The following HOXC4 variants were observed in gnomAD, a reference collection of about 807,000 sequenced individuals.
HOXC4 encodes homeobox protein Hox-C4.
A neutral mutation model predicts 25.5 loss-of-function variants in HOXC4; 15 were observed. The ratio of observed to expected loss-of-function variants is 0.59; its 90% CI spans 0.39 to 0.91. HOXC4 has a LOEUF of 0.91. Among genes scored for constraint, HOXC4 ranks in the 40% least tolerant of loss-of-function variants. HOXC4 has a pLI of 0.00. For synonymous variants in HOXC4, 165 were observed against 148.0 expected (o/e 1.11, Z -0.83); for missense variants, 342 against 352.4 (o/e 0.97, Z 0.24).
chr12:54,036,108 G>A (rs1489164790), intron 1 of HOXC4, among the ~76,000 whole-genome samples: 1 of 152,060 alleles, frequency 6.6e-6, no homozygotes, highest in Admixed American at 6.6e-5. Context: ...TGGAGGGGAG[G>A]ATGGGTTAAA....
upstream of HOXC4, among the ~76,000 whole-genome samples, chr12:54,049,095 C>T (rs1026588797): frequency 1.3e-5 from 2 of 152,142 alleles, no homozygotes; most frequent in Non-Finnish European, 2.9e-5. Context: ...GTCAATGAGG[C>T]TGGGATGAGG....
intron 1 of HOXC4, chr12:54,033,092 G>T: frequency 6.4e-7 from 1 of 1,574,682 alleles, no homozygotes; most frequent in Non-Finnish European, 8.7e-7. Flanking sequence ...AATCAAAAAG[G>T]GTGCAGAAAT....
At chr12:54,024,567 C>T (rs927820154) in intron 1 of HOXC4, among the ~76,000 whole-genome samples, 1 of 152,124 alleles carries the variant, frequency 6.6e-6, no homozygotes, top group African/African-American at 2.4e-5. Context: ...TTCAAATATC[C>T]CTCCCCAGGA....
At chr12:54,046,871 C>A (rs182190377) in intron 1 of HOXC4, among the ~76,000 whole-genome samples, 21 of 152,268 alleles carry the variant, frequency 1.4e-4, no homozygotes, top group African/African-American at 4.8e-4. Context: ...TGTTCCCGGG[C>A]GGAGGTGCGC....
chr12:54,028,673 C>T, intron 1 of HOXC4: 2 of 1,614,108 alleles, frequency 1.2e-6, no homozygotes, highest in Admixed American at 1.7e-5. Flanking sequence ...CGGATCTACT[C>T]GACTCCCTTT....
At chr12:54,041,878 T>C (rs1941279008) in intron 1 of HOXC4, among the ~76,000 whole-genome samples, 1 of 152,022 alleles carries the variant, frequency 6.6e-6, no homozygotes, top group African/African-American at 2.4e-5. Flanking sequence ...GATTTAATCA[T>C]GTTGCCCAGG....
At chr12:54,031,149 G>T (rs1241284706) in intron 1 of HOXC4, among the ~76,000 whole-genome samples, 1 of 152,388 alleles carries the variant, frequency 6.6e-6, no homozygotes, top group East Asian at 1.9e-4. Flanking sequence ...GTGGCAGCCG[G>T]TGTCCTCGGC....
intron 1 of HOXC4, among the ~76,000 whole-genome samples, chr12:54,039,025 G>C (rs76686888): frequency 2.6e-5 from 4 of 152,134 alleles, no homozygotes; most frequent in African/African-American, 9.7e-5. Context: ...CTCCCTGTGC[G>C]TCACCGGGAG....
chr12:54,044,380 G>A lies in HOXC4; in HGVS notation c.-123-8780G>A, dbSNP rs541926139. 7.9e-5 allele frequency among the ~76,000 whole-genome samples: 12 copies of A among 151,960 alleles called. 1 individual carries two copies. The highest frequency in any genetic ancestry group is 6.3e-4 in the South Asian group (3 of 4,800). On this transcript the variant is annotated intron_variant, in intron 1 of 3. Coordinates refer to the HOXC4 transcript ENST00000303406. Reference sequence around the variant, plus strand: ...GTTTTCCCCTAAAAAATAATGCAACGTTTCATTTCCTTTTGCCCATGCAGT... The same window carrying A: ...GTTTTCCCCTAAAAAATAATGCAACATTTCATTTCCTTTTGCCCATGCAGT...
chr12:54,030,402 C>G (rs997999215), intron 1 of HOXC4: 1 of 153,450 alleles, frequency 6.5e-6, no homozygotes, highest in Non-Finnish European at 1.5e-5. Flanking sequence ...CGGGGAGGGC[C>G]GGAGGCCCAA....
chr12:54,038,622 C>A (rs1941224672), intron 1 of HOXC4, among the ~76,000 whole-genome samples: 2 of 152,188 alleles, frequency 1.3e-5, no homozygotes, highest in African/African-American at 4.8e-5. Context: ...GCTGTCTCAG[C>A]CTCCGTAGTT....
At position 54,023,547 on chromosome 12, in the gene HOXC4, C is replaced by T. The variant is rs570520979; in HGVS notation, c.-124+6133C>T. Among the ~76,000 whole-genome samples, 35 of 152,264 alleles carry T rather than the reference C, an allele frequency of 2.3e-4. No homozygotes were observed. The South Asian group carries it at 6.6e-3, about 29-fold the overall frequency. On this transcript the variant is annotated intron_variant, in intron 1 of 3. Coordinates refer to the HOXC4 transcript ENST00000303406. ...CTTAGCTCAAAAGAGGAATCACCAG[C>T]GCAGGCCTTGGAGGTGTTTGGGGGC...
rs75240584 is a variant in HOXC4 at position 54,019,445 on chromosome 12, C to T, written c.-124+2031C>T. Among the ~76,000 whole-genome samples the T allele has an allele frequency of 3.9e-5, 6 of 152,154 alleles. No homozygotes were observed. The East Asian group carries it at 9.7e-4, about 25-fold the overall frequency. ...AGTGCGGTGGGACACAAGAGGGGCCCGAGAGGCCCGAAAAAGGGAGCCTTT... is the reference window on the plus strand; with the variant it reads ...AGTGCGGTGGGACACAAGAGGGGCCTGAGAGGCCCGAAAAAGGGAGCCTTT... On this transcript the variant is annotated intron_variant, in intron 1 of 3. Coordinates refer to the HOXC4 transcript ENST00000303406.
chr12:54,025,204 A>G (rs971660960), intron 1 of HOXC4, among the ~76,000 whole-genome samples: 2 of 152,180 alleles, frequency 1.3e-5, no homozygotes, highest in African/African-American at 4.8e-5. Context: ...ACAGAGCACA[A>G]CTGCAGTTTT....
intron 1 of HOXC4, among the ~76,000 whole-genome samples, chr12:54,048,102 C>A (rs1483074799): frequency 6.6e-6 from 1 of 152,006 alleles, no homozygotes; most frequent in Non-Finnish European, 1.5e-5. Context: ...GTGTGCGAGG[C>A]AGACGGGGTT....
intron 1 of HOXC4, among the ~76,000 whole-genome samples, chr12:54,040,425 ATC>A (rs1054193440): frequency 6.6e-6 from 1 of 151,962 alleles, no homozygotes; most frequent in Non-Finnish European, 1.5e-5. Context: ...GGTTTATCCT[ATC>A]TCAGATTTGG....
chr12:54,041,891 G>C (rs2136457098), intron 1 of HOXC4, among the ~76,000 whole-genome samples: 1 of 152,004 alleles, frequency 6.6e-6, no homozygotes, highest in South Asian at 2.1e-4. Flanking sequence ...TGCCCAGGCT[G>C]ACCTCAGGTA....
chr12:54,025,432 C>A (rs74521594), intron 1 of HOXC4, among the ~76,000 whole-genome samples: 55 of 151,834 alleles, frequency 3.6e-4, no homozygotes, highest in African/African-American at 1.3e-3. Flanking sequence ...TGCTCTCCCC[C>A]CTTGGAGCGA....
chr12:54,053,568 C>T, upstream of HOXC4: 1 of 256,038 alleles, frequency 3.9e-6, no homozygotes. Flanking sequence ...TGCCTCCCGA[C>T]AGTCCCCCAA....
Sources: allele counts gnomAD v4.1 joint callset (sites outside exome capture counted in the v4.1 genomes callset), GRCh38; gene constraint gnomAD v4.1.1; transcripts MANE v1.5; gene names NCBI Gene and HGNC (gene_info 2026-07-23, HGNC 2026-07-21).